SYNJ1: variants seen among roughly 807,000 people sequenced by gnomAD.
SYNJ1 encodes polyphosphatidylinositol phosphatase SYNJ1.
Under a neutral mutation model 168.2 loss-of-function variants are expected in SYNJ1, and 78 were observed. That is an observed-to-expected ratio of 0.46 (90% CI 0.39 to 0.56). SYNJ1 has a LOEUF of 0.56. Among genes scored for constraint, SYNJ1 ranks in the 20% least tolerant of loss-of-function variants. The pLI, the probability that SYNJ1 is intolerant of heterozygous loss-of-function variation, is 0.00. For missense variants in SYNJ1, 1,303 were observed against 1,597.6 expected (o/e 0.82, Z 3.14); for synonymous variants, 539 against 548.6 (o/e 0.98, Z 0.24).
At chr21:32,673,732 TAA>T (rs931173780) in intron 13 of SYNJ1, among the ~76,000 whole-genome samples, 2 of 129,024 alleles carry the variant, frequency 1.6e-5, no homozygotes, top group Non-Finnish European at 3.3e-5. Context: ...AACACATCTT[TAA>T]AAAAAAAAAA....
intron 18 of SYNJ1, among the ~76,000 whole-genome samples, chr21:32,659,094 T>TAA (rs75107237): frequency 1.5e-5 from 2 of 135,802 alleles, no homozygotes; most frequent in African/African-American, 2.7e-5. Flanking sequence ...TCCTTTTACC[T>TAA]AAAAAAAAAA....
chr21:32,694,520 A>G (rs116699197), intron 5 of SYNJ1, among the ~76,000 whole-genome samples: 27 of 152,300 alleles, frequency 1.8e-4, no homozygotes, highest in Non-Finnish European at 3.7e-4. Flanking sequence ...AATTATAAGC[A>G]TAAGATTCAC....
chr21:32,706,406 G>A (rs1601492084), intron 2 of SYNJ1, among the ~76,000 whole-genome samples: 1 of 151,736 alleles, frequency 6.6e-6, no homozygotes, highest in Admixed American at 6.6e-5. Flanking sequence ...TGTCTTTCTA[G>A]GAAATACATA....
At chr21:32,704,691 G>A (rs77721423) in intron 2 of SYNJ1, among the ~76,000 whole-genome samples, 1,814 of 152,296 alleles carry the variant, frequency 0.012, 39 homozygotes, top group African/African-American at 0.04. Flanking sequence ...TGAAGTGCCA[G>A]TGGGGTAAGG....
chr21:32,663,509 A>G (rs571498559), intron 18 of SYNJ1, among the ~76,000 whole-genome samples: 1 of 152,274 alleles, frequency 6.6e-6, no homozygotes, highest in East Asian at 1.9e-4. Flanking sequence ...AAATTATCCA[A>G]CCAGTGGACA....
chr21:32,672,075 A>G lies in SYNJ1; in HGVS notation c.1726+1265T>C, dbSNP rs867499873. ...ACTCAATCTCAAAAAAAAAAAAAAA[A>G]AAAAAAAAAGAAAAAGAAAAAGAAA... On this transcript the variant is annotated intron_variant, in intron 14 of 32. Coordinates refer to ENST00000674351, the MANE Select transcript of SYNJ1 (RefSeq NM_203446.3). 2.5e-4 allele frequency among the ~76,000 whole-genome samples: 37 copies of G among 148,810 alleles called. 1 individual carries two copies. The South Asian group carries it at 5.7e-3, about 23-fold the overall frequency.
intron 1 of SYNJ1, 147 bp downstream of exon 1, chr21:32,727,799 G>T: frequency 1.4e-6 from 2 of 1,437,964 alleles, no homozygotes; most frequent in Non-Finnish European, 1.8e-6. Flanking sequence ...AACCCCGCCC[G>T]TCCTCCCGCA....
At chr21:32,688,633 A>C (rs982976920) in intron 6 of SYNJ1, among the ~76,000 whole-genome samples, 2 of 152,226 alleles carry the variant, frequency 1.3e-5, no homozygotes, top group Non-Finnish European at 2.9e-5. Flanking sequence ...TTATTGATGA[A>C]AACTATTTTT....
At chr21:32,645,620 C>T (rs963061095) in intron 25 of SYNJ1, 26 bp downstream of exon 25, 6 of 1,508,950 alleles carry the variant, frequency 4.0e-6, no homozygotes, top group Non-Finnish European at 3.5e-6. Flanking sequence ...TTACATCTAG[C>T]AGAAATGGAA....
chr21:32,696,080 C>T (rs1227207047), intron 4 of SYNJ1, among the ~76,000 whole-genome samples: 1 of 152,144 alleles, frequency 6.6e-6, no homozygotes, highest in African/African-American at 2.4e-5. Flanking sequence ...TCCTGAACTC[C>T]TGACCTTGTG....
At chr21:32,705,128 A>T (rs2042561438) in intron 2 of SYNJ1, among the ~76,000 whole-genome samples, 1 of 151,232 alleles carries the variant, frequency 6.6e-6, no homozygotes, top group African/African-American at 2.4e-5. Flanking sequence ...CAGCCTGGTG[A>T]CAGAGTGAGA....
At chr21:32,701,422 C>T (rs973043635) in intron 3 of SYNJ1, among the ~76,000 whole-genome samples, 4 of 151,868 alleles carry the variant, frequency 2.6e-5, no homozygotes, top group Admixed American at 1.3e-4. Flanking sequence ...TATCTTATCA[C>T]GGATCAATAA....
At position 32,681,573 on chromosome 21, in the gene SYNJ1, G is replaced by A; in HGVS notation, c.1276C>T (p.Arg426Trp). ...TCACCATTCACGGACCACATTGACCGAAAAACTTCTTGAAAGCGAGTCACC... is the reference window on the plus strand; with the variant it reads ...TCACCATTCACGGACCACATTGACCAAAAAACTTCTTGAAAGCGAGTCACC... Reference protein sequence around the residue: ...QLVTRFQEVFRSMWSVNGDSI... With the variant: ...QLVTRFQEVFWSMWSVNGDSI... The change falls in exon 11 of 33, where the codon CGG becomes TGG. Residue 426 changes from arginine to tryptophan, a missense_variant. Arg to Trp is a moderately radical substitution (Grantham distance 101). Coordinates refer to ENST00000674351, the MANE Select transcript of SYNJ1 (RefSeq NM_203446.3). The A allele has an allele frequency of 3.7e-6, 6 of 1,613,814 alleles. No homozygotes were observed. Among genetic ancestry groups the A allele is most frequent in the Non-Finnish European group, 4.2e-6 (5 of 1,179,838 alleles).
intron 32 of SYNJ1, among the ~76,000 whole-genome samples, chr21:32,633,504 TAAG>T: frequency 6.6e-6 from 1 of 152,264 alleles, no homozygotes; most frequent in South Asian, 2.1e-4. Context: ...TATGCTAACT[TAAG>T]AAAACTTCAG....
chr21:32,657,890 A>G lies in SYNJ1; in HGVS notation c.2305-18T>C, dbSNP rs755888972. On this transcript the variant is annotated intron_variant, in intron 18 of 32. Coordinates refer to ENST00000674351, the MANE Select transcript of SYNJ1 (RefSeq NM_203446.3). Reference sequence around the variant, plus strand: ...CTAAAAACCTAAAATAAACATATACAAAGTAAGTTATTCCCAAACAGCAAC... The same window carrying G: ...CTAAAAACCTAAAATAAACATATACGAAGTAAGTTATTCCCAAACAGCAAC... 3 of 1,597,370 alleles carry G rather than the reference A, an allele frequency of 1.9e-6. No homozygotes were observed. Among genetic ancestry groups the G allele is most frequent in the South Asian group, 1.1e-5 (1 of 89,208 alleles).
At chr21:32,640,284 C>A (rs1447406205) in intron 29 of SYNJ1, among the ~76,000 whole-genome samples, 1 of 151,746 alleles carries the variant, frequency 6.6e-6, no homozygotes, top group Admixed American at 6.6e-5. Context: ...GAAAAAACAC[C>A]CTGAGATTTG....
chr21:32,688,516 A>G (rs1460391192), intron 6 of SYNJ1, 149 bp from the exon 7 acceptor site: 6 of 670,562 alleles, frequency 8.9e-6, no homozygotes, highest in Middle Eastern at 4.3e-4. Flanking sequence ...CTTTTAAAAA[A>G]ACAAGTTCCA....
chr21:32,723,852 T>G (rs949307812), intron 2 of SYNJ1, among the ~76,000 whole-genome samples: 1 of 151,498 alleles, frequency 6.6e-6, no homozygotes, highest in African/African-American at 2.4e-5. Flanking sequence ...AAAAAAGAAG[T>G]ATGCACCTTG....
At chr21:32,631,883 C>G in intron 32 of SYNJ1, 82 bp from the exon 33 acceptor site, 1 of 1,264,734 alleles carries the variant, frequency 7.9e-7, no homozygotes, top group South Asian at 1.6e-5. Context: ...ATTATTCTTC[C>G]CTTTTAGGGG....
Sources: allele counts gnomAD v4.1 joint callset (sites outside exome capture counted in the v4.1 genomes callset), GRCh38; gene constraint gnomAD v4.1.1; transcripts MANE v1.5; gene names NCBI Gene and HGNC (gene_info 2026-07-23, HGNC 2026-07-21).